The following C1orf94 variants were observed in gnomAD, a reference collection of about 807,000 sequenced individuals.
C1orf94 encodes the protein chromosome 1 open reading frame 94.
A neutral mutation model predicts 53.6 loss-of-function variants in C1orf94; 45 were observed. The ratio of observed to expected loss-of-function variants is 0.84; its 90% CI spans 0.66 to 1.08. The LOEUF is 1.08. Among genes scored for constraint, C1orf94 ranks in the 50% least tolerant of loss-of-function variants. The pLI, the probability that C1orf94 is intolerant of heterozygous loss-of-function variation, is 0.00. For synonymous variants in C1orf94, 304 were observed against 296.1 expected (o/e 1.03, Z -0.27); for missense variants, 762 against 738.9 (o/e 1.03, Z -0.36).
chr1:34,214,795 G>T (rs1642954791), intron 6 of C1orf94, among the ~76,000 whole-genome samples: 1 of 152,198 alleles, frequency 6.6e-6, no homozygotes, highest in South Asian at 2.1e-4. Flanking sequence ...CCTGGGGAAA[G>T]CCAGAGACAG....
chr1:34,202,313 GAGA>G lies in C1orf94; in HGVS notation c.1446+57_1446+59del, dbSNP rs542535731. On this transcript the variant is annotated intron_variant, in intron 4 of 6. Coordinates refer to ENST00000488417, the MANE Select transcript of C1orf94 (RefSeq NM_001134734.2). The stretch of plus-strand genomic sequence containing the variant: ...GACATCCACGGGGGTTTTGGCCACA[GAGA>G]AGGAGTGGCTGGCAGGGGGTCTATT... The G allele has an allele frequency of 5.5e-4, 859 of 1,570,630 alleles. 3 individuals carry two copies. In the African/African-American group the frequency reaches 0.01, roughly 19 times the overall value.
chr1:34,191,504 T>A (rs1477028957), intron 1 of C1orf94, among the ~76,000 whole-genome samples: 1 of 152,128 alleles, frequency 6.6e-6, no homozygotes, highest in Non-Finnish European at 1.5e-5. Context: ...TGTGCTGCTC[T>A]ACCCACATAG....
In C1orf94 at chr1:34,193,871, T is replaced by A. The variant is rs1677748; in HGVS notation, c.321-3354T>A. Among the ~76,000 whole-genome samples the A allele has an allele frequency of 2.6e-5, 4 of 152,102 alleles. No homozygotes were observed. The East Asian group carries it at 5.8e-4, about 22-fold the overall frequency. On this transcript the variant is annotated intron_variant, in intron 1 of 6. Transcript: ENST00000488417. ...AAGGGCACGTAGCAGGGCTCACAGC[T>A]GGGGCGGGCCCATATGTTCTTGACA... is the stretch of plus-strand genomic sequence containing the variant.
At chr1:34,198,888 C>A in intron 2 of C1orf94, among the ~76,000 whole-genome samples, 1 of 152,254 alleles carries the variant, frequency 6.6e-6, no homozygotes, top group Admixed American at 6.5e-5. Context: ...AGGAGAGAGA[C>A]GGTTGAGCTC....
chr1:34,194,620 G>A (rs1642550414), intron 1 of C1orf94, among the ~76,000 whole-genome samples: 1 of 152,110 alleles, frequency 6.6e-6, no homozygotes, highest in Non-Finnish European at 1.5e-5. Context: ...TTAACATATG[G>A]CCAATCTTGT....
At chr1:34,212,078 T>C (rs1287412173) in intron 5 of C1orf94, 132 bp from the exon 6 acceptor site, 14 of 738,520 alleles carry the variant, frequency 1.9e-5, no homozygotes, top group Non-Finnish European at 2.9e-5. Context: ...GCTTTCTCCA[T>C]TCCAACATGT....
chr1:34,215,178 A>G (rs1642964182), intron 6 of C1orf94, among the ~76,000 whole-genome samples: 1 of 152,124 alleles, frequency 6.6e-6, no homozygotes, highest in South Asian at 2.1e-4. Flanking sequence ...ATGAGATGAG[A>G]GAATGAACCA....
intron 2 of C1orf94, among the ~76,000 whole-genome samples, chr1:34,199,019 G>A (rs990124457): frequency 1.4e-5 from 2 of 144,938 alleles, no homozygotes; most frequent in African/African-American, 2.5e-5. Context: ...CCCACCATTG[G>A]TGCATGTCTG....
intron 5 of C1orf94, among the ~76,000 whole-genome samples, chr1:34,211,477 T>C (rs1642888454): frequency 6.6e-6 from 1 of 152,166 alleles, no homozygotes; most frequent in Admixed American, 6.5e-5. Context: ...TGAATTCCTG[T>C]ATTTCCCTAG....
intron 1 of C1orf94, among the ~76,000 whole-genome samples, chr1:34,195,230 C>A (rs1242462028): frequency 6.6e-6 from 1 of 152,218 alleles, no homozygotes; most frequent in African/African-American, 2.4e-5. Flanking sequence ...ACAGCTGACA[C>A]TGACTGAATG....
chr1:34,194,001 G>A (rs963371087), intron 1 of C1orf94, among the ~76,000 whole-genome samples: 1 of 152,164 alleles, frequency 6.6e-6, no homozygotes, highest in Non-Finnish European at 1.5e-5. Flanking sequence ...AACCCACCGT[G>A]AGTTCAGAAT....
intron 3 of C1orf94, 83 bp downstream of exon 3, chr1:34,201,115 G>C: frequency 6.6e-7 from 1 of 1,508,102 alleles, no homozygotes; most frequent in South Asian, 1.3e-5. Context: ...CTGTCACCAA[G>C]TGGCTGTCTT....
intron 1 of C1orf94, among the ~76,000 whole-genome samples, chr1:34,195,809 T>C (rs757911557): frequency 6.4e-4 from 97 of 150,496 alleles, no homozygotes; most frequent in Non-Finnish European, 1.1e-3. Context: ...TGTGTGTGTG[T>C]GCGTTTGTAC....
intron 2 of C1orf94, 51 bp from the exon 3 acceptor site, chr1:34,200,720 AT>A: frequency 6.2e-7 from 1 of 1,606,878 alleles, no homozygotes; most frequent in Non-Finnish European, 8.5e-7. Flanking sequence ...TGCTTCCAGC[AT>A]CCAGCACTTG....
At position 34,197,701 on chromosome 1, in the gene C1orf94, C is replaced by A. The variant is rs1571344134; in HGVS notation, c.797C>A (p.Thr266Asn). 1 of 1,614,084 alleles carries A rather than the reference C, an allele frequency of 6.2e-7. No individual in the cohort carries two copies. Residue 266 changes from threonine to asparagine, a missense_variant, in exon 2 of 7, where the codon ACC (threonine) becomes AAC (asparagine). Transcript: ENST00000488417. The surrounding 1 kb of genome is among the most constrained non-coding windows in gnomAD (Gnocchi z 4.1). ...AATGTGCTGGACAAGACAAGGGTCA[C>A]CAAGGACTTCCTACAGGACAACCTG... is the stretch of plus-strand genomic sequence containing the variant. Reference protein sequence around the residue: ...NKNVLDKTRVTKDFLQDNLFS... With the variant: ...NKNVLDKTRVNKDFLQDNLFS...
chr1:34,199,787 C>T (rs1457985294), intron 2 of C1orf94, among the ~76,000 whole-genome samples: 1 of 152,196 alleles, frequency 6.6e-6, no homozygotes, highest in Non-Finnish European at 1.5e-5. Flanking sequence ...TGTCCCTGCT[C>T]CACACTCTAG....
intron 4 of C1orf94, among the ~76,000 whole-genome samples, chr1:34,204,864 TA>T (rs35194964): frequency 0.096 from 13,943 of 144,688 alleles, 1,301 homozygotes; most frequent in African/African-American, 0.25. Flanking sequence ...ACCCTGTCTC[TA>T]AAAAAAAAAA....
intron 5 of C1orf94, 30 bp downstream of exon 5, chr1:34,208,264 T>C (rs1642832708): frequency 6.2e-7 from 1 of 1,605,894 alleles, no homozygotes; most frequent in African/African-American, 1.3e-5. Flanking sequence ...TCCTCTGTCC[T>C]GGGTCCATGA....
At chr1:34,211,827 C>G (rs1247320995) in intron 5 of C1orf94, among the ~76,000 whole-genome samples, 1 of 152,042 alleles carries the variant, frequency 6.6e-6, no homozygotes, top group African/African-American at 2.4e-5. Flanking sequence ...TAATGAAAGC[C>G]TTAAAAATAA....
Sources: allele counts gnomAD v4.1 joint callset (sites outside exome capture counted in the v4.1 genomes callset), GRCh38; gene constraint gnomAD v4.1.1; non-coding constraint Gnocchi (gnomAD v3.1); transcripts MANE v1.5; gene names NCBI Gene and HGNC (gene_info 2026-07-23, HGNC 2026-07-21).